PCDHGA7: variants seen among roughly 807,000 people sequenced by gnomAD.
The protein encoded by PCDHGA7 is protocadherin gamma-A7.
A neutral mutation model predicts 58.3 loss-of-function variants in PCDHGA7; 44 were observed. That is an observed-to-expected ratio of 0.75 (90% CI 0.59 to 0.97). PCDHGA7 has a LOEUF of 0.97. Among genes scored for constraint, PCDHGA7 ranks in the 50% least tolerant of loss-of-function variants. The pLI is 0.00. For missense variants in PCDHGA7, 1,266 were observed against 1,188.7 expected, an observed-to-expected ratio of 1.06 and a Z score of -0.96; for synonymous variants, 516 against 504.2, an observed-to-expected ratio of 1.02 and a Z score of -0.31.
At chr5:141,421,120 G>T (rs747126094) in intron 1 of PCDHGA7, 4 of 779,870 alleles carry the variant, frequency 5.1e-6, no homozygotes, top group Non-Finnish European at 7.9e-6. Flanking sequence ...ATTTTCCTTC[G>T]CTTTCTGATA....
At chr5:141,422,007 T>A in intron 1 of PCDHGA7, 1 of 1,609,966 alleles carries the variant, frequency 6.2e-7, no homozygotes, top group Non-Finnish European at 8.5e-7. Context: ...GCTCCGGAAC[T>A]CGGGTGCTGA....
intron 1 of PCDHGA7, chr5:141,415,853 GTAGT>G: frequency 2.5e-6 from 3 of 1,186,350 alleles, no homozygotes; most frequent in Non-Finnish European, 3.3e-6. Context: ...GCAGAACCTT[GTAGT>G]TTATAGTGTT....
In PCDHGA7 at chr5:141,486,369, C is replaced by T; in HGVS notation, c.2425-8438C>T. 8 of 1,614,128 alleles carry T rather than the reference C, an allele frequency of 5.0e-6. No homozygotes were observed. The highest frequency in any genetic ancestry group is 6.8e-6 in the Non-Finnish European group (8 of 1,179,996). On this transcript the variant is annotated intron_variant, in intron 1 of 3. Coordinates refer to ENST00000518325, the MANE Select transcript of PCDHGA7 (RefSeq NM_018920.4). The surrounding 1 kb of genome is among the most constrained non-coding windows in gnomAD (Gnocchi z 5.0). ...GACCACTTGCCATTTGCCCTCAAGT[C>T]TGCCTTCAGGAACCAGTTCTCCCTG...
In PCDHGA7 at chr5:141,454,516, C is replaced by T. The variant is rs375583922; in HGVS notation, c.2425-40291C>T. On this transcript the variant is annotated intron_variant, in intron 1 of 3. Coordinates refer to ENST00000518325, the MANE Select transcript of PCDHGA7 (RefSeq NM_018920.4). Reference sequence around the variant, plus strand: ...CCACCTCCTGGATTCAGGCAGTTCTCCTGCCTCAGCCTCCCAAGTAGCTGA... The same window carrying T: ...CCACCTCCTGGATTCAGGCAGTTCTTCTGCCTCAGCCTCCCAAGTAGCTGA... Among the ~76,000 whole-genome samples the T allele has an allele frequency of 1.2e-4, 18 of 152,288 alleles. No individual in the cohort carries two copies. In the East Asian group the frequency reaches 3.1e-3, roughly 26 times the overall value.
chr5:141,489,275 A>C lies in PCDHGA7; in HGVS notation c.2425-5532A>C. On this transcript the variant is annotated intron_variant, in intron 1 of 3. Transcript: ENST00000518325. This position sits in a 1 kb window ranked among gnomAD's most constrained non-coding sequence, Gnocchi z 4.5. ...AAGACACTCCCACAGCTCGCTGGGA[A>C]ATGGCAAGTGCTGTGCATGTTGTCC... The C allele has an allele frequency of 4.5e-6, 7 of 1,556,298 alleles. No individual in the cohort carries two copies. Among genetic ancestry groups the C allele is most frequent in the Non-Finnish European group, 6.1e-6 (7 of 1,151,600 alleles).
intron 1 of PCDHGA7, chr5:141,390,040 C>T (rs2092027580): frequency 6.2e-7 from 1 of 1,614,072 alleles, no homozygotes; most frequent in Non-Finnish European, 8.5e-7. Context: ...TCCTCCAGCC[C>T]CGCCTCCTGG....
chr5:141,392,879 G>C, intron 1 of PCDHGA7: 1 of 1,613,512 alleles, frequency 6.2e-7, no homozygotes, highest in Non-Finnish European at 8.5e-7. Context: ...TGCTGGGAAC[G>C]CTGTGGGAAA....
At chr5:141,422,963 C>T (rs372620011) in intron 1 of PCDHGA7, 43 of 1,614,120 alleles carry the variant, frequency 2.7e-5, no homozygotes, top group Middle Eastern at 1.6e-4. Context: ...GTGGAGCTGG[C>T]GCCCCGCTCT....
intron 1 of PCDHGA7, chr5:141,419,479 C>T (rs764891283): frequency 6.2e-7 from 1 of 1,612,390 alleles, no homozygotes; most frequent in Non-Finnish European, 8.5e-7. Context: ...AGGGCTCGCC[C>T]GCGCTCAGCG....
chr5:141,491,845 G>A lies in PCDHGA7; in HGVS notation c.2425-2962G>A. 6.8e-7 allele frequency: 1 copy of A among 1,463,944 alleles called. No homozygotes were observed. The highest frequency in any genetic ancestry group is 9.0e-7 in the Non-Finnish European group (1 of 1,106,126). 90.7% of individuals were successfully genotyped at this position (1,463,944 alleles called of 1,614,324 possible). ...CTCCACCCGATTCTCGGGATCATTGGACCGTTTGCGCGAAACCAGAGTGGC... is the reference window on the plus strand; with the variant it reads ...CTCCACCCGATTCTCGGGATCATTGAACCGTTTGCGCGAAACCAGAGTGGC... On this transcript the variant is annotated intron_variant, in intron 1 of 3. Coordinates refer to ENST00000518325, the MANE Select transcript of PCDHGA7 (RefSeq NM_018920.4). This position sits in a 1 kb window ranked among gnomAD's most constrained non-coding sequence, Gnocchi z 6.9.
rs182404532 is a variant in PCDHGA7 at position 141,384,827 on chromosome 5, T to G, written c.1928T>G (p.Val643Gly). ...LDRDALKQSLVVAVQDHGQPP... is the reference protein window; with the variant it reads ...LDRDALKQSLGVAVQDHGQPP... ...AGAGATGCCCTCAAGCAGAGCCTCGTGGTGGCCGTCCAGGACCACGGTCAG... is the reference window on the plus strand; with the variant it reads ...AGAGATGCCCTCAAGCAGAGCCTCGGGGTGGCCGTCCAGGACCACGGTCAG... The change falls in exon 1 of 4, where the codon GTG (valine) becomes GGG (glycine). Residue 643 changes from valine to glycine, a missense_variant. Coordinates refer to ENST00000518325, the MANE Select transcript of PCDHGA7 (RefSeq NM_018920.4). 8,704 of 1,613,474 alleles carry G rather than the reference T, an allele frequency of 5.4e-3. 36 individuals carry two copies. The highest frequency in any genetic ancestry group is 6.5e-3 in the Non-Finnish European group (7,724 of 1,179,900).
rs539620413 is a variant in PCDHGA7, at chr5:141,488,489, G to GT, written c.2425-6317dup. Among the ~76,000 whole-genome samples the GT allele has an allele frequency of 1.6e-4, 25 of 152,268 alleles. No homozygotes were observed. In the South Asian group the frequency reaches 4.6e-3, roughly 28 times the overall value. On this transcript the variant is annotated intron_variant, in intron 1 of 3. Transcript: ENST00000518325. ...AGAAATGTTCCCCTACCCAAAAACT[G>GT]TAACACTCATTCCACATTTGGGGTC...
At position 141,389,024 on chromosome 5, in the gene PCDHGA7, G is replaced by T. The variant is rs776063645; in HGVS notation, c.2424+3701G>T. On this transcript the variant is annotated intron_variant, in intron 1 of 3. Transcript: ENST00000518325. ...AGGATTCCAGACACAATGGAGAAGT[G>T]ACTTGTAAATTGGAAGGTGATGTTC... 4 of 1,613,948 alleles carry T rather than the reference G, an allele frequency of 2.5e-6. No homozygotes were observed. The South Asian group carries it at 4.4e-5, about 18-fold the overall frequency.
At chr5:141,421,144 G>A (rs1241874764) in intron 1 of PCDHGA7, 1 of 999,180 alleles carries the variant, frequency 1.0e-6, no homozygotes, top group African/African-American at 1.6e-5. Flanking sequence ...TTTGGATGTA[G>A]TCGGCCTAGG....
Position 141,431,559 on chromosome 5 carries a change from C to A in PCDHGA7, c.2424+46236C>A. On this transcript the variant is annotated intron_variant, in intron 1 of 3. Coordinates refer to ENST00000518325, the MANE Select transcript of PCDHGA7 (RefSeq NM_018920.4). The surrounding 1 kb of genome is among the most constrained non-coding windows in gnomAD (Gnocchi z 4.8). ...ACGCAGCTGCTTGTAGTCAACGCTA[C>A]CGACCCTGACGAAGGAGTCAATGCG... is the stretch of plus-strand genomic sequence containing the variant. 6.2e-7 allele frequency: 1 copy of A among 1,614,158 alleles called. No homozygotes were observed. The highest frequency in any genetic ancestry group is 8.5e-7 in the Non-Finnish European group (1 of 1,180,030).
chr5:141,476,564 C>G lies in PCDHGA7; in HGVS notation c.2425-18243C>G, dbSNP rs2099393821. 1.2e-6 allele frequency: 2 copies of G among 1,614,196 alleles called. No individual in the cohort carries two copies. Among genetic ancestry groups the G allele is most frequent in the South Asian group, 1.1e-5 (1 of 91,086 alleles). ...ATTGGAGATTAGCGAGGCCGTGGCT[C>G]CGGGGACGCGCTTTCCGCTCGAGAG... On this transcript the variant is annotated intron_variant, in intron 1 of 3. Coordinates refer to ENST00000518325, the MANE Select transcript of PCDHGA7 (RefSeq NM_018920.4). This position sits in a 1 kb window ranked among gnomAD's most constrained non-coding sequence, Gnocchi z 7.6.
chr5:141,390,518 T>G (rs1045172175), intron 1 of PCDHGA7: 1 of 570,806 alleles, frequency 1.8e-6, no homozygotes, highest in Non-Finnish European at 3.0e-6. Flanking sequence ...TATAAAGCAA[T>G]GAGGGTGTGG....
Position 141,489,338 on chromosome 5 carries a change from A to T in PCDHGA7, c.2425-5469A>T, listed in dbSNP as rs1303176012. 1 of 1,608,414 alleles carries T rather than the reference A, an allele frequency of 6.2e-7. No homozygotes were observed. Among genetic ancestry groups the T allele is most frequent in the South Asian group, 1.1e-5 (1 of 90,478 alleles). ...GGCTGGGTGTCTGGGCAGCTTCGTTACTCAGTGGTGGAGGAGTCTGAGCCG... is the reference window on the plus strand; with the variant it reads ...GGCTGGGTGTCTGGGCAGCTTCGTTTCTCAGTGGTGGAGGAGTCTGAGCCG... On this transcript the variant is annotated intron_variant, in intron 1 of 3. Coordinates refer to ENST00000518325, the MANE Select transcript of PCDHGA7 (RefSeq NM_018920.4). This position sits in a 1 kb window ranked among gnomAD's most constrained non-coding sequence, Gnocchi z 4.5.
At chr5:141,391,264 G>A (rs1427432631) in intron 1 of PCDHGA7, 1 of 151,768 alleles carries the variant, frequency 6.6e-6, no homozygotes, top group Non-Finnish European at 1.5e-5. Context: ...TCAGTTAATG[G>A]CCACTTTACA....
Sources: allele counts gnomAD v4.1 joint callset (sites outside exome capture counted in the v4.1 genomes callset), GRCh38; gene constraint gnomAD v4.1.1; non-coding constraint Gnocchi (gnomAD v3.1); transcripts MANE v1.5; gene names NCBI Gene and HGNC (gene_info 2026-07-23, HGNC 2026-07-21).